ATE1: variants seen among roughly 807,000 people sequenced by gnomAD.
ATE1 encodes arginyltransferase 1, also known as arginyl-tRNA--protein transferase 1.
ATE1 carries 36 observed loss-of-function variants against 70.5 expected under a neutral mutation model. The observed-to-expected ratio is 0.51, with a 90% CI of 0.39 to 0.67. The LOEUF is 0.67. Ranked by LOEUF, ATE1 falls within the 30% of genes least tolerant of loss-of-function variation. The pLI, the probability that ATE1 is intolerant of heterozygous loss-of-function variation, is 0.00. For synonymous variants in ATE1, 232 were observed against 219.3 expected, an observed-to-expected ratio of 1.06 and a Z score of -0.51; for missense variants, 593 against 629.5, an observed-to-expected ratio of 0.94 and a Z score of 0.62.
intron 11 of ATE1, among the ~76,000 whole-genome samples, chr10:121,755,069 A>G (rs116554932): frequency 0.01 from 1,561 of 152,356 alleles, 11 homozygotes; most frequent in African/African-American, 0.027. Flanking sequence ...GGGCCTAAAA[A>G]GACACAACAA....
In ATE1 at chr10:121,789,296, C is replaced by CTTTTTTTTTTT. The variant is rs3036893; in HGVS notation, c.1378+862_1378+872dup. On this transcript the variant is annotated intron_variant, in intron 11 of 11. Transcript: ENST00000224652. ...CAGGAAGCCTAACTCCAGGGCTATGCTTTTTTTTTTTTTTTTTTTTGAGAC... is the reference window on the plus strand; with the variant it reads ...CAGGAAGCCTAACTCCAGGGCTATGCTTTTTTTTTTTTTTTTTTTTTTTTTTTTTTTGAGAC... 1.1e-4 allele frequency among the ~76,000 whole-genome samples: 10 copies of CTTTTTTTTTTT among 92,688 alleles called. 1 individual carries two copies. The highest frequency in any genetic ancestry group is 1.5e-4 in the Admixed American group (1 of 6,498). 60.8% of individuals were successfully genotyped at this position (92,688 alleles called of 152,430 possible).
chr10:121,775,135 T>C (rs1362006679), intron 11 of ATE1, among the ~76,000 whole-genome samples: 1 of 152,180 alleles, frequency 6.6e-6, no homozygotes, highest in Non-Finnish European at 1.5e-5. Context: ...TGTATAATAC[T>C]ACAGAATAGA....
Position 121,823,217 on chromosome 10 carries a change from G to C in ATE1, c.1257+13501C>G, listed in dbSNP as rs573226456. Among the ~76,000 whole-genome samples, 16 of 152,222 alleles carry C rather than the reference G, an allele frequency of 1.1e-4. No homozygotes were observed. The South Asian group carries it at 2.1e-3, about 20-fold the overall frequency. On this transcript the variant is annotated intron_variant, in intron 10 of 11. Transcript: ENST00000224652. The stretch of plus-strand genomic sequence containing the variant: ...AGGCAGGAGAATGACATGAACCCGG[G>C]AGGCAGAGCTTGCAGTGAGCTGAGA...
chr10:121,884,621 A>T (rs36121712), intron 7 of ATE1, among the ~76,000 whole-genome samples: 2 of 151,892 alleles, frequency 1.3e-5, no homozygotes, highest in Non-Finnish European at 2.9e-5. Context: ...AAGGGAAAAG[A>T]GTGGAAGGGA....
At chr10:121,871,616 ACACTAAATATATTCTTAGAATAT>A (rs1008981632) in intron 7 of ATE1, among the ~76,000 whole-genome samples, 3 of 152,192 alleles carry the variant, frequency 2.0e-5, no homozygotes, top group African/African-American at 7.2e-5. Context: ...CCCACCAAAA[ACACTAAATATATTCTTAGAATAT>A]CACTAACACA....
intron 1 of ATE1, among the ~76,000 whole-genome samples, chr10:121,925,495 G>T (rs1283267523): frequency 1.3e-5 from 2 of 151,876 alleles, no homozygotes; most frequent in Admixed American, 1.3e-4. Flanking sequence ...GATGATTACA[G>T]GGGCTATGAT....
intron 10 of ATE1, among the ~76,000 whole-genome samples, chr10:121,798,637 C>T (rs1044305429): frequency 6.6e-6 from 1 of 152,184 alleles, no homozygotes; most frequent in Non-Finnish European, 1.5e-5. Flanking sequence ...CAGTGGCTCA[C>T]GCCTGTAATC....
At chr10:121,812,220 T>C (rs1449723948) in intron 10 of ATE1, among the ~76,000 whole-genome samples, 1 of 152,154 alleles carries the variant, frequency 6.6e-6, no homozygotes, top group African/African-American at 2.4e-5. Flanking sequence ...CCTCCCAAAG[T>C]GCTGACATTA....
chr10:121,919,126 G>T (rs537435087), intron 3 of ATE1, among the ~76,000 whole-genome samples: 2 of 152,220 alleles, frequency 1.3e-5, no homozygotes, highest in South Asian at 4.1e-4. Flanking sequence ...CAACCCACTA[G>T]GGTCCCCTTC....
intron 11 of ATE1, among the ~76,000 whole-genome samples, chr10:121,772,351 A>G (rs899158980): frequency 6.6e-6 from 1 of 152,182 alleles, no homozygotes; most frequent in Admixed American, 6.5e-5. Context: ...ATTTTTCTTC[A>G]TTTCTGAATG....
At chr10:121,799,271 G>A (rs888040287) in intron 10 of ATE1, among the ~76,000 whole-genome samples, 1 of 152,128 alleles carries the variant, frequency 6.6e-6, no homozygotes, top group African/African-American at 2.4e-5. Context: ...GCACGAAGGA[G>A]CTGGAGCAGC....
intron 10 of ATE1, among the ~76,000 whole-genome samples, chr10:121,806,007 A>G (rs1947080120): frequency 6.6e-6 from 1 of 152,262 alleles, no homozygotes; most frequent in Non-Finnish European, 1.5e-5. Context: ...AGACTGACAC[A>G]GCATCACATG....
At chr10:121,850,291 T>G (rs1278480904) in intron 8 of ATE1, among the ~76,000 whole-genome samples, 2 of 152,140 alleles carry the variant, frequency 1.3e-5, no homozygotes, top group South Asian at 2.1e-4. Flanking sequence ...TACAAATTAT[T>G]TAGCCCACTG....
At chr10:121,851,410 A>T (rs1028065426) in intron 8 of ATE1, among the ~76,000 whole-genome samples, 1 of 152,218 alleles carries the variant, frequency 6.6e-6, no homozygotes, top group South Asian at 2.1e-4. Flanking sequence ...ACAGAGCAAG[A>T]CCCTGTTTCA....
chr10:121,881,006 T>C (rs12245528), intron 7 of ATE1, among the ~76,000 whole-genome samples: 20,074 of 152,256 alleles, frequency 0.13, 1,520 homozygotes, highest in East Asian at 0.19. Context: ...ACTCATTGTA[T>C]GTAAATTGCT....
chr10:121,800,171 T>G (rs1232101832), intron 10 of ATE1, among the ~76,000 whole-genome samples: 1 of 152,328 alleles, frequency 6.6e-6, no homozygotes, highest in Admixed American at 6.5e-5. Context: ...TTAAATATTA[T>G]ACTATTTTTT....
At chr10:121,907,114 G>T (rs1479241813) in intron 5 of ATE1, among the ~76,000 whole-genome samples, 1 of 151,922 alleles carries the variant, frequency 6.6e-6, no homozygotes. Context: ...TGAGAACTAG[G>T]TTTCTCAGTG....
intron 1 of ATE1, 112 bp from the exon 2 acceptor site, chr10:121,924,441 C>A (rs1005637660): frequency 1.4e-5 from 14 of 1,007,158 alleles, no homozygotes; most frequent in Middle Eastern, 2.5e-4. Context: ...TGGCTCATGC[C>A]TGTAATCCCA....
chr10:121,866,119 T>A (rs1276562984), intron 8 of ATE1, among the ~76,000 whole-genome samples: 1 of 152,198 alleles, frequency 6.6e-6, no homozygotes, highest in African/African-American at 2.4e-5. Context: ...ATTCAGAGAT[T>A]CCCAGCACTC....
Sources: allele counts gnomAD v4.1 joint callset (sites outside exome capture counted in the v4.1 genomes callset), GRCh38; gene constraint gnomAD v4.1.1; transcripts MANE v1.5; gene names NCBI Gene and HGNC (gene_info 2026-07-23, HGNC 2026-07-21).